The following TDRD12 variants were observed in gnomAD, a reference collection of about 807,000 sequenced individuals.
TDRD12 encodes the protein putative ATP-dependent RNA helicase TDRD12.
In TDRD12, 158 loss-of-function variants were observed where a neutral mutation model predicts 133.5. That is an observed-to-expected ratio of 1.18 (90% CI 1.04 to 1.35). TDRD12 has a LOEUF of 1.35. Among genes scored for constraint, TDRD12 ranks in the 40% most tolerant of loss-of-function variants. TDRD12 has a pLI of 0.00. For missense variants in TDRD12, 1,443 were observed against 1,321.3 expected (o/e 1.09, Z -1.43); for synonymous variants, 460 against 477.9 (o/e 0.96, Z 0.49).
intron 11 of TDRD12, among the ~76,000 whole-genome samples, chr19:32,778,535 T>A (rs1422167245): frequency 6.6e-6 from 1 of 152,232 alleles, no homozygotes; most frequent in Non-Finnish European, 1.5e-5. Flanking sequence ...AATCTTGCTC[T>A]GTCACCCAGG....
chr19:32,740,180 C>T (rs1326925765), intron 3 of TDRD12, among the ~76,000 whole-genome samples: 1 of 135,110 alleles, frequency 7.4e-6, no homozygotes. Flanking sequence ...CTCCTGGGTG[C>T]TGTCTGCATC....
At chr19:32,761,163 C>G (rs866884653) in intron 8 of TDRD12, among the ~76,000 whole-genome samples, 26 of 152,358 alleles carry the variant, frequency 1.7e-4, no homozygotes, top group Admixed American at 2.6e-4. Context: ...GTCTCCCAGG[C>G]TGGAGTGCAG....
At chr19:32,721,850 G>GAT (rs1968690095) in intron 1 of TDRD12, among the ~76,000 whole-genome samples, 1 of 151,708 alleles carries the variant, frequency 6.6e-6, no homozygotes, top group African/African-American at 2.4e-5. Context: ...TGGGACTACA[G>GAT]GCGGCCACCA....
chr19:32,776,991 C>T (rs975808216), intron 10 of TDRD12, among the ~76,000 whole-genome samples, 158 bp from the exon 11 acceptor site: 1 of 152,104 alleles, frequency 6.6e-6, no homozygotes, highest in African/African-American at 2.4e-5. Flanking sequence ...TGAGCTTAGG[C>T]GATCCTCCCA....
At chr19:32,818,598 G>A (rs938024541) in intron 27 of TDRD12, among the ~76,000 whole-genome samples, 1 of 152,216 alleles carries the variant, frequency 6.6e-6, no homozygotes, top group African/African-American at 2.4e-5. Context: ...TGTTCTGCTA[G>A]AGCTGACGGG....
chr19:32,811,266 T>A, exon 24 of TDRD12: 1 of 1,536,092 alleles, frequency 6.5e-7, no homozygotes, highest in Non-Finnish European at 8.7e-7. Context: ...GATGACATCC[T>A]TGTAGAGTTC....
chr19:32,764,750 A>G (rs1468523929), intron 8 of TDRD12, among the ~76,000 whole-genome samples: 1 of 152,168 alleles, frequency 6.6e-6, no homozygotes, highest in African/African-American at 2.4e-5. Context: ...CAGTTCTGTC[A>G]GTTTTTCCTT....
intron 18 of TDRD12, 86 bp downstream of exon 18, chr19:32,800,858 T>A (rs1212414739): frequency 7.5e-7 from 1 of 1,334,644 alleles, no homozygotes; most frequent in South Asian, 1.7e-5. Flanking sequence ...GGTGGTTGAC[T>A]CTGTGGCAGG....
intron 2 of TDRD12, among the ~76,000 whole-genome samples, chr19:32,737,571 C>T (rs1455033227): frequency 3.3e-5 from 5 of 151,970 alleles, no homozygotes; most frequent in Non-Finnish European, 7.4e-5. Flanking sequence ...ACTGTGTCAC[C>T]CAGGCTGGAG....
At chr19:32,820,953 T>C (rs752801344) in intron 27 of TDRD12, 80 bp from the exon 28 acceptor site, 1 of 1,164,110 alleles carries the variant, frequency 8.6e-7, no homozygotes, top group Non-Finnish European at 1.2e-6. Context: ...CACTTCACGG[T>C]CATTTATTGC....
chr19:32,727,300 C>T lies in TDRD12; in HGVS notation c.25-4425C>T, dbSNP rs574567092. ...GAAATGTCTATTCAAATCCTTTGCC[C>T]ATTTTTTAATTGGTGGTTTGGGTTT... On this transcript the variant is annotated intron_variant, in intron 1 of 27. Transcript: ENST00000444215. 1.2e-4 allele frequency among the ~76,000 whole-genome samples: 18 copies of T among 152,224 alleles called. No individual in the cohort carries two copies. In the South Asian group the frequency reaches 3.3e-3, roughly 28 times the overall value.
intron 11 of TDRD12, among the ~76,000 whole-genome samples, chr19:32,781,512 A>AGGG (rs149679381): frequency 0.033 from 5,092 of 152,242 alleles, 201 homozygotes; most frequent in East Asian, 0.23. Context: ...CTTTCTAGGA[A>AGGG]GGGAGACACA....
intron 10 of TDRD12, among the ~76,000 whole-genome samples, chr19:32,774,668 A>G (rs1970530852): frequency 6.6e-6 from 1 of 151,926 alleles, no homozygotes; most frequent in African/African-American, 2.4e-5. Context: ...TCTTTTGATT[A>G]CTGGTTTTAG....
chr19:32,768,382 A>ATTCTT (rs1234251693), intron 8 of TDRD12, among the ~76,000 whole-genome samples: 1 of 141,364 alleles, frequency 7.1e-6, no homozygotes, highest in Non-Finnish European at 1.5e-5. Flanking sequence ...GGTGGTCTTT[A>ATTCTT]TTCTTTTTTT....
At chr19:32,746,136 C>T (rs1434551945) in intron 4 of TDRD12, among the ~76,000 whole-genome samples, 2 of 73,044 alleles carry the variant, frequency 2.7e-5, no homozygotes, top group Admixed American at 3.2e-4. Context: ...GTGAGAGAGA[C>T]GGGGAGAGAG....
Position 32,791,052 on chromosome 19 carries a change from C to G in TDRD12, c.1271C>G (p.Ser424Ter). The G allele has an allele frequency of 6.5e-7, 1 of 1,536,028 alleles. No individual in the cohort carries two copies. The highest frequency in any genetic ancestry group is 8.7e-7 in the Non-Finnish European group (1 of 1,146,862). ...TTAACCATTGACTCGTCGCCGCTGT[C>G]AGCAGACCTGAAGAAGGTAAAAGTG... The change falls in exon 13 of 28, where the codon TCA becomes TGA. Residue 424 changes from serine (S) to a stop codon, truncating the protein, a stop_gained. Coordinates refer to ENST00000444215, the Ensembl canonical transcript of TDRD12. LOFTEE classifies it high-confidence loss of function.
chr19:32,825,914 G>A (rs547196700), downstream of TDRD12, among the ~76,000 whole-genome samples: 2 of 152,098 alleles, frequency 1.3e-5, 1 homozygote, highest in South Asian at 4.1e-4. This position sits in a 1 kb window ranked among gnomAD's most constrained non-coding sequence, Gnocchi z 4.1. Context: ...GTTTACCTAT[G>A]TGATGGTTTT....
intron 27 of TDRD12, among the ~76,000 whole-genome samples, chr19:32,819,847 G>T (rs1967317390): frequency 1.3e-5 from 2 of 152,174 alleles, no homozygotes; most frequent in Admixed American, 6.5e-5. Flanking sequence ...CTGGTGCCTG[G>T]GGAATGCTGG....
chr19:32,734,003 C>T (rs113748664), intron 2 of TDRD12, among the ~76,000 whole-genome samples: 1 of 151,662 alleles, frequency 6.6e-6, no homozygotes, highest in Non-Finnish European at 1.5e-5. Context: ...GCCGTTCTCC[C>T]GCCTTAGCCT....
Sources: allele counts gnomAD v4.1 joint callset (sites outside exome capture counted in the v4.1 genomes callset), GRCh38; gene constraint gnomAD v4.1.1; non-coding constraint Gnocchi (gnomAD v3.1); transcripts MANE v1.5; gene names NCBI Gene and HGNC (gene_info 2026-07-23, HGNC 2026-07-21).